AIG1: variants seen among roughly 807,000 people sequenced by gnomAD.
AIG1 encodes androgen-induced gene 1 protein.
Under a neutral mutation model 31.4 loss-of-function variants are expected in AIG1, and 23 were observed. The ratio of observed to expected loss-of-function variants is 0.73; its 90% confidence interval spans 0.53 to 1.04. The LOEUF is 1.04. Among genes scored for constraint, AIG1 ranks in the 50% least tolerant of loss-of-function variants. The pLI is 0.00. For missense variants in AIG1, 274 were observed against 295.0 expected (o/e 0.93, Z 0.52); for synonymous variants, 100 against 110.5 (o/e 0.90, Z 0.60).
chr6:143,235,626 A>G (rs1793751988), intron 3 of AIG1, among the ~76,000 whole-genome samples: 1 of 113,992 alleles, frequency 8.8e-6, no homozygotes, highest in African/African-American at 3.8e-5. Flanking sequence ...TTTGTAGGGG[A>G]AGAAGAAAAG....
chr6:143,273,373 G>T lies in AIG1; in HGVS notation c.400-10737G>T, dbSNP rs1482433293. On this transcript the variant is annotated intron_variant, in intron 3 of 5. Coordinates refer to ENST00000357847, the MANE Select transcript of AIG1 (RefSeq NM_016108.4). ...TTTTCTATAGTTGCTCCCCAAACTT[G>T]TCACTTTTCCGTGCTCTTTAAGAAA... Among the ~76,000 whole-genome samples the T allele has an allele frequency of 2.6e-5, 4 of 152,156 alleles. No individual in the cohort carries two copies. In the East Asian group the frequency reaches 7.7e-4, roughly 29 times the overall value.
intron 3 of AIG1, among the ~76,000 whole-genome samples, chr6:143,247,717 A>T (rs1352884057): frequency 6.6e-6 from 1 of 152,224 alleles, no homozygotes; most frequent in Admixed American, 6.5e-5. Context: ...AAACTTGCCT[A>T]AGAACTCCTT....
At chr6:143,122,639 A>G (rs905967623) in intron 1 of AIG1, among the ~76,000 whole-genome samples, 5 of 152,134 alleles carry the variant, frequency 3.3e-5, no homozygotes, top group African/African-American at 1.2e-4. Context: ...TTCTTGCCCT[A>G]CAATTTACAG....
intron 2 of AIG1, among the ~76,000 whole-genome samples, chr6:143,145,262 C>T (rs561740040): frequency 1.2e-4 from 19 of 152,238 alleles, no homozygotes; most frequent in Non-Finnish European, 2.1e-4. Flanking sequence ...TGAGCTCAAG[C>T]GATCCACCAC....
intron 3 of AIG1, chr6:143,189,828 A>T (rs1387317718): frequency 2.1e-6 from 2 of 972,430 alleles, no homozygotes; most frequent in East Asian, 2.3e-4. Flanking sequence ...GATATATCTT[A>T]GTCCATTCAG....
chr6:143,313,783 G>C (rs908571938), intron 4 of AIG1, among the ~76,000 whole-genome samples: 9 of 152,010 alleles, frequency 5.9e-5, no homozygotes, highest in Non-Finnish European at 1.2e-4. Flanking sequence ...TTGTATGCCT[G>C]TATCCAAATA....
At chr6:143,269,421 T>C (rs1459505626) in intron 3 of AIG1, among the ~76,000 whole-genome samples, 1 of 152,230 alleles carries the variant, frequency 6.6e-6, no homozygotes, top group East Asian at 1.9e-4. Flanking sequence ...TCTGTTAAAG[T>C]TGAATATCTG....
intron 3 of AIG1, among the ~76,000 whole-genome samples, chr6:143,193,376 C>G (rs1177687925): frequency 6.6e-6 from 1 of 152,134 alleles, no homozygotes; most frequent in African/African-American, 2.4e-5. Flanking sequence ...TTCATTTTGT[C>G]TTGACTTTCA....
intron 2 of AIG1, among the ~76,000 whole-genome samples, chr6:143,140,764 G>T (rs1045200882): frequency 6.6e-6 from 1 of 152,224 alleles, no homozygotes; most frequent in Non-Finnish European, 1.5e-5. Flanking sequence ...GTGTGCAGAT[G>T]ATTAGTGATA....
intron 1 of AIG1, among the ~76,000 whole-genome samples, chr6:143,086,893 A>G (rs923266763): frequency 7.2e-5 from 11 of 152,220 alleles, no homozygotes; most frequent in African/African-American, 2.4e-4. Context: ...CAGCTGGCTT[A>G]TGCCGGGAGT....
At chr6:143,272,105 A>G (rs1380517252) in intron 3 of AIG1, among the ~76,000 whole-genome samples, 2 of 152,092 alleles carry the variant, frequency 1.3e-5, no homozygotes, top group Non-Finnish European at 2.9e-5. Flanking sequence ...TCTATACTGT[A>G]TGTGTATACT....
At chr6:143,107,122 A>G (rs191558078) in intron 1 of AIG1, among the ~76,000 whole-genome samples, 46 of 152,330 alleles carry the variant, frequency 3.0e-4, no homozygotes, top group Non-Finnish European at 4.4e-4. Context: ...TACTGTATTT[A>G]AAAAGTTAAG....
At chr6:143,145,934 A>G (rs185161917) in intron 2 of AIG1, among the ~76,000 whole-genome samples, 2 of 152,348 alleles carry the variant, frequency 1.3e-5, no homozygotes, top group East Asian at 3.9e-4. Context: ...TTTTTAGTAC[A>G]TTCTTACCAG....
intron 3 of AIG1, among the ~76,000 whole-genome samples, chr6:143,200,312 A>G (rs1030762122): frequency 5.9e-5 from 9 of 152,128 alleles, no homozygotes; most frequent in Admixed American, 1.3e-4. Context: ...AGAAAATGGA[A>G]ATTATGACAA....
intron 1 of AIG1, chr6:143,126,441 C>T (rs972543858): frequency 6.6e-6 from 1 of 152,154 alleles, no homozygotes; most frequent in Non-Finnish European, 1.5e-5. Flanking sequence ...GAGTCACTGT[C>T]TCACGGGGAT....
chr6:143,200,320 C>T (rs753710361), intron 3 of AIG1, among the ~76,000 whole-genome samples: 2 of 152,054 alleles, frequency 1.3e-5, no homozygotes, highest in Non-Finnish European at 2.9e-5. Context: ...GAAATTATGA[C>T]AACATCATTG....
chr6:143,274,198 T>G lies in AIG1; in HGVS notation c.400-9912T>G, dbSNP rs140024260. 2.2e-3 allele frequency among the ~76,000 whole-genome samples: 342 copies of G among 152,238 alleles called. 3 individuals are homozygous for G. Among genetic ancestry groups the G allele is most frequent in the South Asian group, 0.011 (55 of 4,816 alleles). On this transcript the variant is annotated intron_variant, in intron 3 of 5. Transcript: ENST00000357847. ...TCAGCTCCCCTTCCCTCATAGGAGA[T>G]CTACCCCTGGCCATTCTTTTATCCT...
intron 4 of AIG1, among the ~76,000 whole-genome samples, chr6:143,323,969 A>C (rs144922532): frequency 1.3e-4 from 20 of 152,316 alleles, no homozygotes; most frequent in Non-Finnish European, 2.8e-4. Flanking sequence ...GCCAGGTCTA[A>C]AATCAGCATT....
intron 1 of AIG1, among the ~76,000 whole-genome samples, chr6:143,066,328 G>A (rs1340699416): frequency 6.6e-6 from 1 of 151,632 alleles, no homozygotes; most frequent in African/African-American, 2.4e-5. Flanking sequence ...CCAGGCGAGT[G>A]CAGTGGTGAT....
Sources: gnomAD v4.1 joint callset for allele counts (sites outside exome capture counted in the v4.1 genomes callset) on GRCh38, gnomAD v4.1.1 for gene constraint, MANE v1.5 for transcripts, NCBI Gene and HGNC (gene_info 2026-07-23, HGNC 2026-07-21) for gene names.